Variants in WRN observed in about 807,000 individuals in gnomAD.
WRN encodes bifunctional 3'-5' exonuclease/ATP-dependent helicase WRN.
In WRN, 149 loss-of-function variants were observed where a neutral mutation model predicts 180.7. That is an observed-to-expected ratio of 0.82 (90% CI 0.72 to 0.94). The LOEUF (loss-of-function observed/expected upper bound fraction) is 0.94. Ranked by LOEUF, WRN falls within the 40% of genes least tolerant of loss-of-function variation. The pLI, the probability that WRN is intolerant of heterozygous loss-of-function variation, is 0.00. For missense variants in WRN, 1,661 were observed against 1,700.1 expected, an observed-to-expected ratio of 0.98 and a Z score of 0.40; for synonymous variants, 548 against 568.9, an observed-to-expected ratio of 0.96 and a Z score of 0.52.
At chr8:31,150,130 G>A (rs996190748) in intron 30 of WRN, among the ~76,000 whole-genome samples, 3 of 152,138 alleles carry the variant, frequency 2.0e-5, no homozygotes, top group Non-Finnish European at 2.9e-5. Flanking sequence ...TGTGGTGATG[G>A]GGGCAAGACA....
chr8:31,110,458 A>T (rs576096365), intron 18 of WRN, among the ~76,000 whole-genome samples: 12 of 152,262 alleles, frequency 7.9e-5, no homozygotes, highest in African/African-American at 2.9e-4. Flanking sequence ...GAAAAAACCT[A>T]CTCTTAAACT....
In WRN at chr8:31,131,160, C is replaced by CTTTTTTTTTTTTTTTTTTTTT. The variant is rs71206302; in HGVS notation, c.2826-1196_2826-1195insTTTTTTTTTTTTTTTTTTTTT. On this transcript the variant is annotated intron_variant, in intron 23 of 34. Coordinates refer to ENST00000298139, the MANE Select transcript of WRN (RefSeq NM_000553.6). ...TGTGGTGGAACCAAATTGCAACTTT[C>CTTTTTTTTTTTTTTTTTTTTT]TTTTTTTTTGAGACAGAGTTTTGCT... Among the ~76,000 whole-genome samples, 5 of 106,838 alleles carry CTTTTTTTTTTTTTTTTTTTTT rather than the reference C, an allele frequency of 4.7e-5. 1 individual carries two copies. The highest frequency in any genetic ancestry group is 7.1e-5 in the African/African-American group (2 of 28,190). The allele number at this position is 106,838 out of a possible 152,430, so 70.1% of individuals were successfully genotyped here. A position where few individuals can be genotyped will look rare whatever the true frequency, so the allele number is the denominator to read the frequency against.
chr8:31,137,205 A>C (rs1162386343), intron 24 of WRN, among the ~76,000 whole-genome samples: 6 of 152,152 alleles, frequency 3.9e-5, no homozygotes, highest in Non-Finnish European at 5.9e-5. Flanking sequence ...AGACAATGTA[A>C]ATTTATTCAA....
Position 31,118,342 on chromosome 8 carries a change from C to T in WRN, c.2448+1814C>T, listed in dbSNP as rs558748510. Among the ~76,000 whole-genome samples the T allele has an allele frequency of 4.6e-5, 7 of 152,064 alleles. No individual in the cohort carries two copies. The East Asian group carries it at 9.6e-4, about 21-fold the overall frequency. Reference sequence around the variant, plus strand: ...AAATTGATATGGTTTTTTCTCCCTACGTTGATATCAGATATTTTGTTTTAT... The same window carrying T: ...AAATTGATATGGTTTTTTCTCCCTATGTTGATATCAGATATTTTGTTTTAT... On this transcript the variant is annotated intron_variant, in intron 20 of 34. Coordinates refer to ENST00000298139, the MANE Select transcript of WRN (RefSeq NM_000553.6).
chr8:31,139,844 G>A (rs1228983845), intron 24 of WRN, among the ~76,000 whole-genome samples: 1 of 152,114 alleles, frequency 6.6e-6, no homozygotes, highest in Non-Finnish European at 1.5e-5. Flanking sequence ...CTGAAAGGGA[G>A]TTTGAGAACT....
intron 18 of WRN, among the ~76,000 whole-genome samples, chr8:31,107,860 G>C (rs939245765): frequency 2.0e-5 from 3 of 152,216 alleles, no homozygotes; most frequent in Non-Finnish European, 4.4e-5. Context: ...AAGAGGAATT[G>C]TGAAATCCAT....
At chr8:31,047,955 C>G (rs906168974) in intron 1 of WRN, among the ~76,000 whole-genome samples, 2 of 152,198 alleles carry the variant, frequency 1.3e-5, no homozygotes, top group Non-Finnish European at 2.9e-5. Flanking sequence ...CTCACTATGA[C>G]ACAGCAAAGA....
intron 33 of WRN, 99 bp from the exon 34 acceptor site, chr8:31,166,923 C>T: frequency 8.1e-7 from 1 of 1,238,736 alleles, no homozygotes; most frequent in South Asian, 1.5e-5. Context: ...CAACCTTCCA[C>T]CTTCCTTTCT....
chr8:31,109,767 A>G (rs1801234089), intron 18 of WRN, among the ~76,000 whole-genome samples: 1 of 152,196 alleles, frequency 6.6e-6, no homozygotes, highest in African/African-American at 2.4e-5. Context: ...TGAAGCTTAG[A>G]GAGTTAAATA....
intron 20 of WRN, among the ~76,000 whole-genome samples, chr8:31,117,064 A>G (rs1433088526): frequency 6.6e-6 from 1 of 152,224 alleles, no homozygotes; most frequent in Admixed American, 6.5e-5. Context: ...GCCAGGTTAT[A>G]GATGGCTTTA....
chr8:31,090,539 T>A lies in WRN; in HGVS notation c.1720+7T>A, dbSNP rs1813707329. On this transcript the variant is annotated splice_region_variant and intron_variant, in intron 14 of 34. Coordinates refer to ENST00000298139, the MANE Select transcript of WRN (RefSeq NM_000553.6). ...GTTGCTGTCATGGCAACTGGTAAGT[T>A]GTACTTAAGCAAAACCTAATCCTTT... 1 of 1,611,290 alleles carries A rather than the reference T, an allele frequency of 6.2e-7. No homozygotes were observed. Among genetic ancestry groups the A allele is most frequent in the Middle Eastern group, 1.7e-4 (1 of 6,030 alleles).
rs558654980 is a variant in WRN, at chr8:31,174,173, G to T, written c.*1071G>T. ...AAGTCTCGTATATTCCCATTTTTCT[G>T]CATTGCATTACCAGAAGGTAGTGGC... On this transcript the variant is annotated 3_prime_UTR_variant, in exon 35 of 35. Transcript: ENST00000298139. Among the ~76,000 whole-genome samples the T allele has an allele frequency of 6.6e-6, 1 of 152,230 alleles. No individual in the cohort carries two copies. Among genetic ancestry groups the T allele is most frequent in the South Asian group, 2.1e-4 (1 of 4,828 alleles).
chr8:31,076,199 A>G lies in WRN; in HGVS notation c.751A>G (p.Asn251Asp). ...GGAAGAAATCCTACTTAGCGACATG[A>G]ACAAACAGTTGACTTCAATCTCTGA... ...KEEEILLSDM[N>D]KQLTSISEEV... The change falls in exon 8 of 35, where the codon AAC (asparagine) becomes GAC (aspartate). Residue 251 changes from asparagine (N) to aspartate (D), a missense_variant. Transcript: ENST00000298139. 1.2e-6 allele frequency: 2 copies of G among 1,613,946 alleles called. No homozygotes were observed. The highest frequency in any genetic ancestry group is 8.5e-7 in the Non-Finnish European group (1 of 1,179,918).
At chr8:31,060,251 A>AT (rs1235228913) in intron 3 of WRN, among the ~76,000 whole-genome samples, 1 of 152,086 alleles carries the variant, frequency 6.6e-6, no homozygotes, top group Non-Finnish European at 1.5e-5. Flanking sequence ...TAAAAAAAAA[A>AT]TTTTGTTATA....
intron 7 of WRN, among the ~76,000 whole-genome samples, chr8:31,072,674 A>G (rs939922025): frequency 6.6e-6 from 1 of 152,220 alleles, no homozygotes; most frequent in Admixed American, 6.5e-5. Context: ...TTTAGAAATA[A>G]CGAAGGCATG....
At chr8:31,088,755 T>A (rs371881491) in intron 12 of WRN, 135 bp from the exon 13 acceptor site, 2 of 748,474 alleles carry the variant, frequency 2.7e-6, no homozygotes, top group Non-Finnish European at 2.3e-6. Context: ...TGTATTGGAA[T>A]TAAAAAATAG....
intron 30 of WRN, 92 bp downstream of exon 30, chr8:31,147,568 C>T (rs1802911761): frequency 4.2e-6 from 5 of 1,194,554 alleles, no homozygotes; most frequent in South Asian, 3.9e-5. Flanking sequence ...CCATAGCTTC[C>T]ACTGTCACAT....
intron 17 of WRN, 113 bp downstream of exon 17, chr8:31,096,963 C>A: frequency 1.0e-6 from 1 of 991,272 alleles, no homozygotes; most frequent in Non-Finnish European, 1.6e-6. Context: ...AACATTACTT[C>A]CTCCAGGAAA....
At chr8:31,134,838 G>A (rs1802338262) in intron 24 of WRN, among the ~76,000 whole-genome samples, 1 of 152,108 alleles carries the variant, frequency 6.6e-6, no homozygotes, top group South Asian at 2.1e-4. Context: ...CTGTTTTCTA[G>A]ACAAACTGTT....
Sources: allele counts gnomAD v4.1 joint callset (sites outside exome capture counted in the v4.1 genomes callset), GRCh38; gene constraint gnomAD v4.1.1; transcripts MANE v1.5; gene names NCBI Gene and HGNC (gene_info 2026-07-23, HGNC 2026-07-21).